The following EIF4EBP1 variants were observed in gnomAD, a reference collection of about 807,000 sequenced individuals.
EIF4EBP1 encodes the protein eukaryotic translation initiation factor 4E-binding protein 1.
A neutral mutation model predicts 9.2 loss-of-function variants in EIF4EBP1; 5 were observed. The observed-to-expected ratio is 0.54, with a 90% CI of 0.28 to 1.14. The LOEUF is 1.14. Among genes scored for constraint, EIF4EBP1 ranks in the 50% most tolerant of loss-of-function variants. The pLI is 0.09. For synonymous variants in EIF4EBP1, 62 were observed against 67.0 expected (o/e 0.93, Z 0.36); for missense variants, 139 against 169.6 (o/e 0.82, Z 1.00).
intron 1 of EIF4EBP1, among the ~76,000 whole-genome samples, chr8:38,049,203 G>A (rs979967115): frequency 2.6e-5 from 4 of 152,034 alleles, no homozygotes; most frequent in African/African-American, 9.7e-5. Flanking sequence ...TTTGGCAGGG[G>A]ATAAGATGCA....
At chr8:38,059,318 C>G (rs1585533618) in intron 2 of EIF4EBP1, among the ~76,000 whole-genome samples, 1 of 152,184 alleles carries the variant, frequency 6.6e-6, no homozygotes, top group South Asian at 2.1e-4. Context: ...CACCCTCTCT[C>G]TTGCTCCTGC....
chr8:38,038,135 T>A (rs1186690909), intron 1 of EIF4EBP1, among the ~76,000 whole-genome samples: 2 of 152,114 alleles, frequency 1.3e-5, no homozygotes, highest in Non-Finnish European at 2.9e-5. Context: ...ATTATGATGG[T>A]GTGACTACAA....
At chr8:38,037,460 C>T (rs1809319915) in intron 1 of EIF4EBP1, among the ~76,000 whole-genome samples, 1 of 152,088 alleles carries the variant, frequency 6.6e-6, no homozygotes, top group African/African-American at 2.4e-5. Flanking sequence ...GGATTACAGG[C>T]ACGCACCACC....
At chr8:38,054,219 G>C (rs1462600204) in intron 1 of EIF4EBP1, among the ~76,000 whole-genome samples, 2 of 152,194 alleles carry the variant, frequency 1.3e-5, no homozygotes, top group South Asian at 2.1e-4. Flanking sequence ...GGAGGCTGAG[G>C]CCAGTGGATC....
Position 38,031,919 on chromosome 8 carries a change from C to T in EIF4EBP1, c.145+1201C>T, listed in dbSNP as rs144479892. ...CAACCAGGCAGAGAAGGGAGAAATG[C>T]TTCCTTTTCTATTAGAAATGAGCCA... is the stretch of plus-strand genomic sequence containing the variant. On this transcript the variant is annotated intron_variant, in intron 1 of 2. Coordinates refer to ENST00000338825, the MANE Select transcript of EIF4EBP1 (RefSeq NM_004095.4). Among the ~76,000 whole-genome samples the T allele has an allele frequency of 5.2e-3, 796 of 152,334 alleles. 12 individuals carry two copies. The highest frequency in any genetic ancestry group is 0.018 in the African/African-American group (767 of 41,578).
At chr8:38,035,362 CAT>C in intron 1 of EIF4EBP1, among the ~76,000 whole-genome samples, 7 of 151,848 alleles carry the variant, frequency 4.6e-5, no homozygotes, top group Admixed American at 4.6e-4. Context: ...GGATTACAGG[CAT>C]GTGCCACCAC....
chr8:38,044,272 G>A (rs1009658683), intron 1 of EIF4EBP1, among the ~76,000 whole-genome samples: 4 of 152,132 alleles, frequency 2.6e-5, no homozygotes, highest in Admixed American at 6.6e-5. Flanking sequence ...GCGCGGCTCA[G>A]TTTACAGAAG....
intron 1 of EIF4EBP1, among the ~76,000 whole-genome samples, chr8:38,033,062 CTTTT>C (rs765781155): frequency 1.6e-5 from 2 of 125,452 alleles, no homozygotes; most frequent in Non-Finnish European, 1.7e-5. Context: ...TTCTTTCTTT[CTTTT>C]TTTTTTTTTT....
At chr8:38,043,613 T>A (rs938412811) in intron 1 of EIF4EBP1, among the ~76,000 whole-genome samples, 1 of 152,102 alleles carries the variant, frequency 6.6e-6, no homozygotes, top group African/African-American at 2.4e-5. Context: ...CCCAAAGTGC[T>A]GGGATAACAG....
chr8:38,031,112 G>C (rs554057251), intron 1 of EIF4EBP1, among the ~76,000 whole-genome samples: 1 of 152,152 alleles, frequency 6.6e-6, no homozygotes, highest in Non-Finnish European at 1.5e-5. Flanking sequence ...TATGGGATGG[G>C]TATTATCTGT....
intron 1 of EIF4EBP1, among the ~76,000 whole-genome samples, chr8:38,032,693 A>C (rs2130376468): frequency 6.6e-6 from 1 of 152,278 alleles, no homozygotes; most frequent in Admixed American, 6.5e-5. Context: ...CACTGGAAGA[A>C]GCTAGCAGTG....
intron 1 of EIF4EBP1, among the ~76,000 whole-genome samples, chr8:38,037,288 C>A (rs1036141540): frequency 6.6e-6 from 1 of 152,000 alleles, no homozygotes; most frequent in African/African-American, 2.4e-5. Context: ...GAAAGCGTTC[C>A]CCTCAGGATA....
chr8:38,050,270 T>C (rs918732777), intron 1 of EIF4EBP1, among the ~76,000 whole-genome samples: 1 of 152,202 alleles, frequency 6.6e-6, no homozygotes, highest in Non-Finnish European at 1.5e-5. Context: ...TCCTGTTGAT[T>C]TGCTTAGATC....
chr8:38,040,680 T>C (rs995253094), intron 1 of EIF4EBP1, among the ~76,000 whole-genome samples: 9 of 152,212 alleles, frequency 5.9e-5, no homozygotes, highest in African/African-American at 1.9e-4. Flanking sequence ...GGGAGTTCCC[T>C]CTATCCTCTT....
chr8:38,052,162 C>T (rs1319645507), intron 1 of EIF4EBP1, among the ~76,000 whole-genome samples: 2 of 152,192 alleles, frequency 1.3e-5, no homozygotes, highest in African/African-American at 4.8e-5. Flanking sequence ...TGGCATCCAT[C>T]CCACCCACTC....
chr8:38,044,108 C>A lies in EIF4EBP1; in HGVS notation c.146-12973C>A, dbSNP rs141302931. On this transcript the variant is annotated intron_variant, in intron 1 of 2. Transcript: ENST00000338825. ...TGAGCAGAAGCATTTGGACCTCCCCCACCCCGGCCCTGTTGTGAAATGCTC... is the reference window on the plus strand; with the variant it reads ...TGAGCAGAAGCATTTGGACCTCCCCAACCCCGGCCCTGTTGTGAAATGCTC... Among the ~76,000 whole-genome samples, 421 of 152,138 alleles carry A rather than the reference C, an allele frequency of 2.8e-3. 2 individuals are homozygous for A. The highest frequency in any genetic ancestry group is 0.017 in the Middle Eastern group (5 of 292).
intron 1 of EIF4EBP1, among the ~76,000 whole-genome samples, chr8:38,052,611 G>T (rs1809540257): frequency 6.6e-6 from 1 of 152,000 alleles, no homozygotes; most frequent in Non-Finnish European, 1.5e-5. Context: ...CAGCTACTTG[G>T]GAGGCTGAGG....
At chr8:38,033,781 T>C (rs1809260387) in intron 1 of EIF4EBP1, among the ~76,000 whole-genome samples, 1 of 149,344 alleles carries the variant, frequency 6.7e-6, no homozygotes. Context: ...GAGTTTCGCT[T>C]TGTCGCCCAA....
At chr8:38,053,218 G>C (rs948775940) in intron 1 of EIF4EBP1, among the ~76,000 whole-genome samples, 1 of 148,924 alleles carries the variant, frequency 6.7e-6, no homozygotes, top group Admixed American at 6.7e-5. Flanking sequence ...GGGTTTCACC[G>C]TGTTGACCAG....
Sources: allele counts gnomAD v4.1 joint callset (sites outside exome capture counted in the v4.1 genomes callset), GRCh38; gene constraint gnomAD v4.1.1; transcripts MANE v1.5; gene names NCBI Gene and HGNC (gene_info 2026-07-23, HGNC 2026-07-21).